The following ZBTB20 variants were observed in gnomAD, a reference collection of about 807,000 sequenced individuals.
ZBTB20 encodes zinc finger and BTB domain-containing protein 20.
A neutral mutation model predicts 56.9 loss-of-function variants in ZBTB20; 9 were observed. That is an observed-to-expected ratio of 0.16 (90% CI 0.10 to 0.28). The LOEUF is 0.28. Among genes scored for constraint, ZBTB20 ranks in the 10% least tolerant of loss-of-function variants. The pLI, the probability that ZBTB20 is intolerant of heterozygous loss-of-function variation, is 1.00. For synonymous variants in ZBTB20, 417 were observed against 420.7 expected, an observed-to-expected ratio of 0.99 and a Z score of 0.11; for missense variants, 655 against 1,003.0, an observed-to-expected ratio of 0.65 and a Z score of 4.69.
intron 3 of ZBTB20, among the ~76,000 whole-genome samples, chr3:114,924,391 AT>A (rs1181739503): frequency 1.7e-4 from 26 of 152,360 alleles, no homozygotes; most frequent in African/African-American, 6.0e-4. Flanking sequence ...CATAAAAATA[AT>A]CAAACCTGTC....
intron 6 of ZBTB20, among the ~76,000 whole-genome samples, chr3:114,640,910 AG>A (rs1194759539): frequency 2.6e-5 from 4 of 152,046 alleles, no homozygotes; most frequent in African/African-American, 9.7e-5. Flanking sequence ...TATACAAGCA[AG>A]CACGTATGCC....
chr3:114,548,380 G>T (rs1342577613), intron 6 of ZBTB20, among the ~76,000 whole-genome samples: 2 of 152,050 alleles, frequency 1.3e-5, no homozygotes, highest in African/African-American at 4.8e-5. Context: ...TTTCTCTCAT[G>T]CAACTTCTGT....
At chr3:114,659,784 A>T (rs1449189812) in intron 6 of ZBTB20, among the ~76,000 whole-genome samples, 1 of 152,184 alleles carries the variant, frequency 6.6e-6, no homozygotes, top group Non-Finnish European at 1.5e-5. Flanking sequence ...ATAAAGGAAA[A>T]GATTTATGAA....
At chr3:114,481,341 C>T (rs2041520655) in intron 7 of ZBTB20, among the ~76,000 whole-genome samples, 1 of 151,836 alleles carries the variant, frequency 6.6e-6, no homozygotes, top group Non-Finnish European at 1.5e-5. Flanking sequence ...CACACGCATC[C>T]TACTACTCTA....
intron 6 of ZBTB20, among the ~76,000 whole-genome samples, chr3:114,593,996 G>A (rs909115537): frequency 2.0e-5 from 3 of 152,094 alleles, no homozygotes; most frequent in African/African-American, 4.8e-5. Context: ...TCCTTGCTGA[G>A]TTAGAATCAG....
intron 4 of ZBTB20, among the ~76,000 whole-genome samples, chr3:114,809,758 A>G (rs2072380661): frequency 6.6e-6 from 1 of 151,888 alleles, no homozygotes; most frequent in Non-Finnish European, 1.5e-5. Flanking sequence ...ACTCCTGTTT[A>G]TTACATGTCT....
At chr3:114,886,450 G>A (rs182919322) in intron 4 of ZBTB20, among the ~76,000 whole-genome samples, 20 of 152,270 alleles carry the variant, frequency 1.3e-4, no homozygotes, top group Admixed American at 2.6e-4. Flanking sequence ...GTCCATCTAC[G>A]ACACTAAATT....
chr3:114,583,618 G>A (rs1056008389), intron 6 of ZBTB20, among the ~76,000 whole-genome samples: 4 of 151,988 alleles, frequency 2.6e-5, no homozygotes, highest in Admixed American at 1.3e-4. Flanking sequence ...AAATAGGAAC[G>A]GTGCAAGTGT....
At chr3:114,572,130 A>G (rs2053509752) in intron 6 of ZBTB20, among the ~76,000 whole-genome samples, 1 of 152,218 alleles carries the variant, frequency 6.6e-6, no homozygotes, top group Admixed American at 6.5e-5. Context: ...AAATTCAGAG[A>G]GACTTAGTAA....
At chr3:114,675,425 G>A (rs374852473) in intron 6 of ZBTB20, among the ~76,000 whole-genome samples, 2 of 152,060 alleles carry the variant, frequency 1.3e-5, no homozygotes, top group East Asian at 1.9e-4. Context: ...GTGACAATGC[G>A]AGCTGTAGGG....
At chr3:114,765,721 G>T (rs918143649) in intron 5 of ZBTB20, among the ~76,000 whole-genome samples, 2 of 152,114 alleles carry the variant, frequency 1.3e-5, no homozygotes, top group African/African-American at 4.8e-5. Flanking sequence ...TGTTTAAGAA[G>T]GTTGAAAAAT....
At chr3:114,543,192 C>T (rs1250602608) in intron 6 of ZBTB20, among the ~76,000 whole-genome samples, 1 of 152,014 alleles carries the variant, frequency 6.6e-6, no homozygotes, top group Non-Finnish European at 1.5e-5. Flanking sequence ...ATATCTAATA[C>T]AATAAACACT....
At chr3:114,496,109 C>T (rs1483923845) in intron 7 of ZBTB20, among the ~76,000 whole-genome samples, 1 of 152,022 alleles carries the variant, frequency 6.6e-6, no homozygotes, top group Non-Finnish European at 1.5e-5. Flanking sequence ...CTGGAAAAAT[C>T]CCTTGGAAAT....
chr3:114,567,170 T>C (rs951684544), intron 6 of ZBTB20, among the ~76,000 whole-genome samples: 13 of 152,092 alleles, frequency 8.5e-5, no homozygotes, highest in African/African-American at 3.1e-4. Flanking sequence ...TTGTGTGACT[T>C]TTCTCTCTAT....
At chr3:115,052,442 G>A (rs2081588915) in intron 2 of ZBTB20, among the ~76,000 whole-genome samples, 1 of 151,866 alleles carries the variant, frequency 6.6e-6, no homozygotes, top group Non-Finnish European at 1.5e-5. Context: ...AGGTAATGGA[G>A]TGAGACGCTT....
intron 7 of ZBTB20, among the ~76,000 whole-genome samples, chr3:114,394,216 C>T (rs781512850): frequency 1.3e-5 from 2 of 151,984 alleles, no homozygotes; most frequent in Non-Finnish European, 2.9e-5. Context: ...TTTAGTATAC[C>T]CATTTTACAG....
intron 5 of ZBTB20, among the ~76,000 whole-genome samples, chr3:114,706,213 A>C (rs1254478394): frequency 2.0e-5 from 3 of 152,160 alleles, no homozygotes; most frequent in Admixed American, 2.0e-4. Flanking sequence ...GGAATAAAGA[A>C]TAAAACCACC....
Position 115,132,299 on chromosome 3 carries a change from T to C in ZBTB20, c.-703+14920A>G, listed in dbSNP as rs570450634. Among the ~76,000 whole-genome samples, 7 of 152,256 alleles carry C rather than the reference T, an allele frequency of 4.6e-5. 1 individual carries two copies. In the South Asian group the frequency reaches 1.4e-3, roughly 32 times the overall value. The stretch of plus-strand genomic sequence containing the variant: ...TGTGTTTCTATGGAAAATGGAATAA[T>C]ATTTTCCCATTGGGAAAAAAAGTCT... On this transcript the variant is annotated intron_variant, in intron 1 of 11. Transcript: ENST00000675478.
intron 2 of ZBTB20, among the ~76,000 whole-genome samples, chr3:115,051,067 T>C (rs528516157): frequency 2.0e-5 from 3 of 152,196 alleles, no homozygotes; most frequent in Admixed American, 6.5e-5. Flanking sequence ...AACGGAAATT[T>C]TATAATACTA....
Sources: gnomAD v4.1 joint callset for allele counts (sites outside exome capture counted in the v4.1 genomes callset) on GRCh38, gnomAD v4.1.1 for gene constraint, MANE v1.5 for transcripts, NCBI Gene and HGNC (gene_info 2026-07-23, HGNC 2026-07-21) for gene names.